Variants in GALNT17 observed in about 807,000 individuals in gnomAD.
GALNT17 encodes polypeptide N-acetylgalactosaminyltransferase 17.
In GALNT17, 29 loss-of-function variants were observed where a neutral mutation model predicts 63.7. The observed-to-expected ratio is 0.46, with a 90% CI of 0.34 to 0.62. The LOEUF is 0.62. Among genes scored for constraint, GALNT17 ranks in the 20% least tolerant of loss-of-function variants. The pLI is 0.01. For synonymous variants in GALNT17, 305 were observed against 318.3 expected (o/e 0.96, Z 0.45); for missense variants, 603 against 799.6 (o/e 0.75, Z 2.97).
At chr7:71,526,080 C>T (rs1411608449) in intron 5 of GALNT17, among the ~76,000 whole-genome samples, 1 of 152,130 alleles carries the variant, frequency 6.6e-6, no homozygotes, top group African/African-American at 2.4e-5. Flanking sequence ...CAGACCAATG[C>T]ACACACCTAT....
At chr7:71,710,997 C>T in intron 10 of GALNT17, 69 bp downstream of exon 10, 4 of 1,551,186 alleles carry the variant, frequency 2.6e-6, no homozygotes, top group East Asian at 2.3e-5. Context: ...AGAGGGGAAT[C>T]CTGCTTCCCC....
intron 2 of GALNT17, among the ~76,000 whole-genome samples, chr7:71,377,861 G>T (rs1414408632): frequency 1.3e-5 from 2 of 152,166 alleles, no homozygotes; most frequent in African/African-American, 4.8e-5. Context: ...TGTGAAGAAG[G>T]TGCTTGCTTC....
chr7:71,586,947 G>C (rs949496288), intron 6 of GALNT17, among the ~76,000 whole-genome samples: 1 of 151,964 alleles, frequency 6.6e-6, no homozygotes, highest in Non-Finnish European at 1.5e-5. Flanking sequence ...TCAAACACTA[G>C]GTCTTATTTC....
chr7:71,688,570 G>A (rs531004696), intron 9 of GALNT17, among the ~76,000 whole-genome samples: 19 of 152,132 alleles, frequency 1.2e-4, no homozygotes, highest in African/African-American at 4.6e-4. Context: ...CGTGATCCAC[G>A]TGCAGAGCAC....
intron 3 of GALNT17, among the ~76,000 whole-genome samples, chr7:71,415,273 A>G (rs1793504586): frequency 6.6e-6 from 1 of 152,164 alleles, no homozygotes; most frequent in Non-Finnish European, 1.5e-5. Context: ...CCCTAAGATT[A>G]TGTCTTCATT....
chr7:71,153,515 T>C (rs1188368496), intron 1 of GALNT17, among the ~76,000 whole-genome samples: 2 of 152,142 alleles, frequency 1.3e-5, no homozygotes, highest in Non-Finnish European at 2.9e-5. Context: ...TCTGTTTTCA[T>C]GTAAACAGTG....
At chr7:71,207,326 C>A (rs1241037158) in intron 1 of GALNT17, among the ~76,000 whole-genome samples, 3 of 152,100 alleles carry the variant, frequency 2.0e-5, no homozygotes, top group Non-Finnish European at 4.4e-5. Flanking sequence ...CCTACCTTAT[C>A]TTTGGTTTTA....
intron 5 of GALNT17, among the ~76,000 whole-genome samples, chr7:71,438,009 G>C (rs1786996094): frequency 6.6e-6 from 1 of 152,150 alleles, no homozygotes; most frequent in Non-Finnish European, 1.5e-5. Flanking sequence ...CACTGCACTT[G>C]GCAAAGAGAC....
chr7:71,163,228 G>C (rs1788380219), intron 1 of GALNT17, among the ~76,000 whole-genome samples: 1 of 152,214 alleles, frequency 6.6e-6, no homozygotes, highest in South Asian at 2.1e-4. Flanking sequence ...CAGGGGAACA[G>C]TTTGGGAGAG....
chr7:71,501,160 G>C (rs911294260), intron 5 of GALNT17, among the ~76,000 whole-genome samples: 1 of 151,904 alleles, frequency 6.6e-6, no homozygotes, highest in African/African-American at 2.4e-5. Context: ...GTAGAGGCAG[G>C]GTTTTCTCAT....
intron 3 of GALNT17, among the ~76,000 whole-genome samples, chr7:71,393,844 C>T (rs1036306791): frequency 3.3e-5 from 5 of 152,142 alleles, no homozygotes. Flanking sequence ...ATCATTCAGG[C>T]AACATTTGCC....
chr7:71,414,195 C>T (rs552595143), intron 3 of GALNT17, among the ~76,000 whole-genome samples: 10 of 152,164 alleles, frequency 6.6e-5, no homozygotes, highest in South Asian at 4.2e-4. Context: ...GAGCTGAGAT[C>T]GCGCCACTGC....
At chr7:71,509,192 G>A (rs1788313869) in intron 5 of GALNT17, among the ~76,000 whole-genome samples, 1 of 152,150 alleles carries the variant, frequency 6.6e-6, no homozygotes, top group African/African-American at 2.4e-5. Context: ...CATGAGATAT[G>A]CAACACTTTA....
At chr7:71,182,111 G>A (rs1427995462) in intron 1 of GALNT17, among the ~76,000 whole-genome samples, 1 of 152,148 alleles carries the variant, frequency 6.6e-6, no homozygotes, top group African/African-American at 2.4e-5. Context: ...AGAGGAGGAG[G>A]TTGCAGTGAG....
intron 5 of GALNT17, among the ~76,000 whole-genome samples, chr7:71,439,911 A>G (rs1787034439): frequency 6.8e-6 from 1 of 146,318 alleles, no homozygotes; most frequent in Admixed American, 6.8e-5. Flanking sequence ...CCCTTTCTAG[A>G]TGGTTCCAGA....
intron 5 of GALNT17, among the ~76,000 whole-genome samples, chr7:71,454,904 AC>A (rs898644319): frequency 2.6e-5 from 4 of 152,118 alleles, no homozygotes; most frequent in African/African-American, 9.7e-5. Context: ...GATGGCACAC[AC>A]CTATAATCCA....
chr7:71,238,433 C>T (rs545419690), intron 1 of GALNT17, among the ~76,000 whole-genome samples: 31 of 152,286 alleles, frequency 2.0e-4, no homozygotes, highest in African/African-American at 7.5e-4. Flanking sequence ...GACCATAACT[C>T]ACTGCACCCT....
intron 6 of GALNT17, among the ~76,000 whole-genome samples, chr7:71,580,406 T>TAGAG (rs766369492): frequency 2.9e-5 from 4 of 136,660 alleles, no homozygotes; most frequent in African/African-American, 1.2e-4. Context: ...GGATGATAGA[T>TAGAG]AGATAGATAG....
At chr7:71,263,069 G>A (rs1790414752) in intron 1 of GALNT17, among the ~76,000 whole-genome samples, 1 of 152,082 alleles carries the variant, frequency 6.6e-6, no homozygotes, top group Non-Finnish European at 1.5e-5. Flanking sequence ...GGATAAGACG[G>A]GCCATCTGCA....
Sources: gnomAD v4.1 joint callset for allele counts (sites outside exome capture counted in the v4.1 genomes callset) on GRCh38, gnomAD v4.1.1 for gene constraint, MANE v1.5 for transcripts, NCBI Gene and HGNC (gene_info 2026-07-23, HGNC 2026-07-21) for gene names.